GATAD2A: variants seen among roughly 807,000 people sequenced by gnomAD.
GATAD2A encodes transcriptional repressor p66-alpha.
A neutral mutation model predicts 68.5 loss-of-function variants in GATAD2A; 12 were observed. The observed-to-expected ratio is 0.18, with a 90% CI of 0.11 to 0.28. The LOEUF (loss-of-function observed/expected upper bound fraction) is 0.28. GATAD2A is among the 10% of genes least tolerant of loss of function. The pLI, the probability that GATAD2A is intolerant of heterozygous loss-of-function variation, is 1.00. For synonymous variants in GATAD2A, 410 were observed against 375.3 expected (o/e 1.09, Z -1.07); for missense variants, 755 against 868.5 (o/e 0.87, Z 1.64).
Position 19,463,963 on chromosome 19 carries a change from A to T in GATAD2A, c.-6-1377A>T, listed in dbSNP as rs2057673604. ...GGCCTTGCGCTATTGCTCATTTGTGAAATTGGCTCCTTTAAGGAAGCTGCA... is the reference window on the plus strand; with the variant it reads ...GGCCTTGCGCTATTGCTCATTTGTGTAATTGGCTCCTTTAAGGAAGCTGCA... On this transcript the variant is annotated intron_variant, in intron 1 of 11. Coordinates refer to ENST00000683918, the MANE Select transcript of GATAD2A (RefSeq NM_001384528.1). Among the ~76,000 whole-genome samples, 3 of 152,190 alleles carry T rather than the reference A, an allele frequency of 2.0e-5. No homozygotes were observed. In the South Asian group the frequency reaches 6.2e-4, roughly 32 times the overall value.
chr19:19,455,996 AAAAC>A (rs2056887380), intron 1 of GATAD2A, among the ~76,000 whole-genome samples: 2 of 151,940 alleles, frequency 1.3e-5, no homozygotes, highest in Non-Finnish European at 2.9e-5. Flanking sequence ...TAAAAATACA[AAAAC>A]AAAATTAGCC....
intron 4 of GATAD2A, among the ~76,000 whole-genome samples, chr19:19,493,235 G>T (rs565358141): frequency 6.6e-6 from 1 of 152,206 alleles, no homozygotes; most frequent in Non-Finnish European, 1.5e-5. Context: ...CACTGTGCCC[G>T]CCCTAAAGCT....
chr19:19,397,074 T>G (rs1314646574), intron 1 of GATAD2A, among the ~76,000 whole-genome samples: 1 of 151,986 alleles, frequency 6.6e-6, no homozygotes. Context: ...AGACCTGGAG[T>G]TGAAAACAGC....
At chr19:19,426,832 C>T (rs534112415) in intron 1 of GATAD2A, among the ~76,000 whole-genome samples, 63 of 152,290 alleles carry the variant, frequency 4.1e-4, no homozygotes, top group South Asian at 2.3e-3. Context: ...TTTCTTTATG[C>T]GGCTTATTTG....
At chr19:19,406,429 G>A (rs1381758815) in intron 1 of GATAD2A, among the ~76,000 whole-genome samples, 3 of 150,852 alleles carry the variant, frequency 2.0e-5, no homozygotes, top group Non-Finnish European at 4.4e-5. Flanking sequence ...TCCGGGGCGG[G>A]TTGGGCAGCA....
chr19:19,431,297 C>T lies in GATAD2A; in HGVS notation c.-7+25278C>T, dbSNP rs114776695. ...GTGGTCTTCTGCTTGGTTTCCTCCT[C>T]TGTGAATCTTGCACTGATTGTATTG... On this transcript the variant is annotated intron_variant, in intron 1 of 11. Transcript: ENST00000683918. 7.3e-3 allele frequency among the ~76,000 whole-genome samples: 1,095 copies of T among 150,880 alleles called. 10 individuals are homozygous for T. Among genetic ancestry groups the T allele is most frequent in the African/African-American group, 0.026 (1,062 of 41,006 alleles).
At chr19:19,414,411 G>A (rs1229803795) in intron 1 of GATAD2A, among the ~76,000 whole-genome samples, 1 of 151,954 alleles carries the variant, frequency 6.6e-6, no homozygotes, top group African/African-American at 2.4e-5. Flanking sequence ...CCTGGAATTA[G>A]ACTTTCAGAT....
rs1379868484 is a variant in GATAD2A at position 19,492,430 on chromosome 19, G to A, written c.394G>A (p.Ala132Thr). Residue 132 changes from alanine (A) to threonine (T), a missense_variant, in exon 3 of 12, where the codon GCC becomes ACC. Coordinates refer to ENST00000683918, the MANE Select transcript of GATAD2A (RefSeq NM_001384528.1). The stretch of plus-strand genomic sequence containing the variant: ...GGCCTTGAAGGAGACTAGCACCGAG[G>A]CCCTCATGGTGAGCCACGTGTTGGC... The part of the protein sequence containing the change: ...TVALKETSTE[A>T]LMKSSPEERE... 1 of 1,613,928 alleles carries A rather than the reference G, an allele frequency of 6.2e-7. No homozygotes were observed.
intron 6 of GATAD2A, 81 bp downstream of exon 6, chr19:19,495,966 T>G (rs2060123450): frequency 3.2e-6 from 5 of 1,583,946 alleles, no homozygotes; most frequent in Non-Finnish European, 4.3e-6. Flanking sequence ...TCCCAGTCCT[T>G]GGGGGCAAGG....
At chr19:19,456,765 C>T (rs965318448) in intron 1 of GATAD2A, among the ~76,000 whole-genome samples, 5 of 152,106 alleles carry the variant, frequency 3.3e-5, no homozygotes, top group Non-Finnish European at 7.4e-5. Flanking sequence ...AAGGTCAAGC[C>T]CAAATTGTAC....
At chr19:19,394,123 A>T (rs752364087) in intron 1 of GATAD2A, among the ~76,000 whole-genome samples, 23 of 151,972 alleles carry the variant, frequency 1.5e-4, no homozygotes, top group Non-Finnish European at 3.2e-4. Context: ...CCTGAGCTCA[A>T]GCAATCCTCC....
intron 2 of GATAD2A, among the ~76,000 whole-genome samples, chr19:19,469,433 AAAAAAAAG>A (rs1464492682): frequency 1.3e-5 from 2 of 151,748 alleles, no homozygotes; most frequent in African/African-American, 4.8e-5. Flanking sequence ...CTCCATCTCA[AAAAAAAAG>A]AAAAAAAGAT....
intron 1 of GATAD2A, among the ~76,000 whole-genome samples, chr19:19,423,267 A>C (rs566065886): frequency 6.6e-6 from 1 of 152,214 alleles, no homozygotes; most frequent in South Asian, 2.1e-4. Context: ...CTGTCTCCCA[A>C]AGTGCTGAGG....
intron 1 of GATAD2A, among the ~76,000 whole-genome samples, chr19:19,463,235 G>A (rs1264636609): frequency 6.6e-6 from 1 of 152,128 alleles, no homozygotes; most frequent in African/African-American, 2.4e-5. Flanking sequence ...CCCACAGTGA[G>A]GGAAATGAGA....
chr19:19,394,307 C>T (rs1018610974), intron 1 of GATAD2A, among the ~76,000 whole-genome samples: 1 of 152,132 alleles, frequency 6.6e-6, no homozygotes, highest in African/African-American at 2.4e-5. Flanking sequence ...TTGTTGAAAT[C>T]TTAAAAACAT....
At chr19:19,450,021 C>T (rs566619413) in intron 1 of GATAD2A, among the ~76,000 whole-genome samples, 3 of 152,074 alleles carry the variant, frequency 2.0e-5, no homozygotes, top group African/African-American at 4.8e-5. Context: ...AGCTCTTGTC[C>T]TCAAGAGATC....
intron 1 of GATAD2A, among the ~76,000 whole-genome samples, chr19:19,436,868 T>C (rs1245385828): frequency 6.6e-6 from 1 of 152,212 alleles, no homozygotes; most frequent in African/African-American, 2.4e-5. Flanking sequence ...CTCCGTTTTA[T>C]AGATGGGGAC....
At chr19:19,417,087 C>T (rs978302172) in intron 1 of GATAD2A, among the ~76,000 whole-genome samples, 1 of 152,084 alleles carries the variant, frequency 6.6e-6, no homozygotes, top group African/African-American at 2.4e-5. Context: ...AAAGTTAATC[C>T]GTTGACATTT....
chr19:19,480,364 G>T (rs2058971404), intron 2 of GATAD2A, among the ~76,000 whole-genome samples: 1 of 152,202 alleles, frequency 6.6e-6, no homozygotes, highest in African/African-American at 2.4e-5. Flanking sequence ...TATCCGTTGG[G>T]AAGTTGTTGA....
Sources: gnomAD v4.1 joint callset for allele counts (sites outside exome capture counted in the v4.1 genomes callset) on GRCh38, gnomAD v4.1.1 for gene constraint, MANE v1.5 for transcripts, NCBI Gene and HGNC (gene_info 2026-07-23, HGNC 2026-07-21) for gene names.